Variants in PPARGC1A observed in about 807,000 individuals in gnomAD.
The protein encoded by PPARGC1A is PPARG coactivator 1 alpha, also known as peroxisome proliferator-activated receptor gamma coactivator 1-alpha.
PPARGC1A carries 25 observed loss-of-function variants against 88.7 expected under a neutral mutation model. The ratio of observed to expected loss-of-function variants is 0.28; its 90% confidence interval spans 0.21 to 0.39. The LOEUF is 0.39. Ranked by LOEUF, PPARGC1A falls within the 10% of genes least tolerant of loss-of-function variation. PPARGC1A has a pLI of 1.00. For synonymous variants in PPARGC1A, 363 were observed against 355.6 expected (o/e 1.02, Z -0.24); for missense variants, 880 against 968.7 (o/e 0.91, Z 1.22).
chr4:24,391,181 A>G, the PPARGC1A span, among the ~76,000 whole-genome samples: 1 of 152,274 alleles, frequency 6.6e-6, no homozygotes, highest in South Asian at 2.1e-4. Flanking sequence ...ATCATTTTGT[A>G]GTTTTATATA....
At chr4:23,925,723 T>C in the PPARGC1A span, among the ~76,000 whole-genome samples, 2 of 152,188 alleles carry the variant, frequency 1.3e-5, no homozygotes, top group East Asian at 1.9e-4. Context: ...TGAGGAGGTA[T>C]AGCAGAATCA....
At chr4:23,940,750 CA>C in the PPARGC1A span, among the ~76,000 whole-genome samples, 1 of 152,024 alleles carries the variant, frequency 6.6e-6, no homozygotes, top group African/African-American at 2.4e-5. Context: ...GGCTTTCTGA[CA>C]AACTAGATCC....
At position 23,827,350 on chromosome 4, in the gene PPARGC1A, C is replaced by T. The variant is rs1413605745; in HGVS notation, c.757+1050G>A. ...ATCAGCAGCAATAACAGCATACCTA[C>T]ACGAATTAATCATGGTTCAAAGCAG... On this transcript the variant is annotated intron_variant, in intron 5 of 12. Transcript: ENST00000264867. Among the ~76,000 whole-genome samples the T allele has an allele frequency of 3.3e-5, 5 of 151,892 alleles. No homozygotes were observed. The South Asian group carries it at 8.3e-4, about 25-fold the overall frequency.
At chr4:24,401,963 G>A in the PPARGC1A span, among the ~76,000 whole-genome samples, 1 of 152,172 alleles carries the variant, frequency 6.6e-6, no homozygotes, top group Non-Finnish European at 1.5e-5. Context: ...TCAAATCCAG[G>A]CAGTCTGGCT....
At chr4:24,061,838 C>A in the PPARGC1A span, among the ~76,000 whole-genome samples, 2 of 152,186 alleles carry the variant, frequency 1.3e-5, no homozygotes, top group East Asian at 3.8e-4. Flanking sequence ...TAAAGGAGTC[C>A]TCAACCACCT....
At chr4:24,152,265 T>C in the PPARGC1A span, among the ~76,000 whole-genome samples, 1 of 152,208 alleles carries the variant, frequency 6.6e-6, no homozygotes, top group Non-Finnish European at 1.5e-5. Flanking sequence ...GGAGGAGCTT[T>C]CAGGGCAAGC....
chr4:23,843,656 A>G (rs955254447), intron 2 of PPARGC1A, among the ~76,000 whole-genome samples: 2 of 152,100 alleles, frequency 1.3e-5, no homozygotes, highest in South Asian at 2.1e-4. Context: ...AAGCCTACAC[A>G]ATGTAGAAAT....
the PPARGC1A span, among the ~76,000 whole-genome samples, chr4:23,975,653 A>T: frequency 6.6e-6 from 1 of 152,004 alleles, no homozygotes; most frequent in African/African-American, 2.4e-5. Context: ...CCTGGCCTCA[A>T]GTGATCCACC....
the PPARGC1A span, among the ~76,000 whole-genome samples, chr4:24,336,211 G>A: frequency 1.3e-5 from 2 of 152,136 alleles, no homozygotes; most frequent in African/African-American, 4.8e-5. Flanking sequence ...GAGCAGTAGA[G>A]TTTTCACCTC....
chr4:24,472,660 GGCTGCCGCCGCCGCCGCCGCCGCCGCC>G, the PPARGC1A span, among the ~76,000 whole-genome samples: 1 of 151,818 alleles, frequency 6.6e-6, no homozygotes, highest in African/African-American at 2.4e-5. This position sits in a 1 kb window ranked among gnomAD's most constrained non-coding sequence, Gnocchi z 4.5. Context: ...GGGATGCTCG[GGCTGCCGCCGCCGCCGCCGCCGCCGCC>G]GCTGCCGCCT....
the PPARGC1A span, among the ~76,000 whole-genome samples, chr4:24,405,159 T>A: frequency 3.3e-4 from 50 of 152,164 alleles, no homozygotes; most frequent in East Asian, 9.4e-3. Flanking sequence ...TCAATCAAAA[T>A]AAAATAGAAA....
chr4:24,012,434 TA>T, the PPARGC1A span, among the ~76,000 whole-genome samples: 7 of 152,130 alleles, frequency 4.6e-5, no homozygotes, highest in African/African-American at 7.2e-5. Context: ...AGACAGCATC[TA>T]GCCTGAACTT....
the PPARGC1A span, among the ~76,000 whole-genome samples, chr4:24,232,878 A>T: frequency 8.5e-5 from 13 of 152,338 alleles, no homozygotes; most frequent in East Asian, 2.3e-3. Context: ...AGCTTCTAAC[A>T]TATCTGCATG....
At chr4:24,102,742 G>A in the PPARGC1A span, among the ~76,000 whole-genome samples, 1 of 152,126 alleles carries the variant, frequency 6.6e-6, no homozygotes, top group African/African-American at 2.4e-5. Flanking sequence ...GGCAGGGATT[G>A]TGGGCTGCTT....
the PPARGC1A span, among the ~76,000 whole-genome samples, chr4:24,339,210 G>A: frequency 1.3e-4 from 14 of 110,624 alleles, no homozygotes; most frequent in African/African-American, 5.3e-4. Context: ...GTGTGTGTGT[G>A]TGTATATATA....
the PPARGC1A span, among the ~76,000 whole-genome samples, chr4:24,099,280 C>T: frequency 6.9e-6 from 1 of 143,886 alleles, no homozygotes; most frequent in Non-Finnish European, 1.5e-5. Flanking sequence ...TCATTCTCTC[C>T]CTCCTGCAAA....
the PPARGC1A span, among the ~76,000 whole-genome samples, chr4:24,364,669 CTTCTATTATGTGA>C: frequency 6.6e-6 from 1 of 152,132 alleles, no homozygotes; most frequent in Non-Finnish European, 1.5e-5. Flanking sequence ...AATAATTCCA[CTTCTATTATGTGA>C]TTATTCATTT....
the PPARGC1A span, among the ~76,000 whole-genome samples, chr4:23,981,947 G>A: frequency 1.3e-5 from 2 of 152,066 alleles, no homozygotes; most frequent in African/African-American, 4.8e-5. Flanking sequence ...AAAAGGTTGG[G>A]TCCTGAGGCC....
At chr4:24,253,819 A>G in the PPARGC1A span, among the ~76,000 whole-genome samples, 1 of 152,216 alleles carries the variant, frequency 6.6e-6, no homozygotes, top group Non-Finnish European at 1.5e-5. Flanking sequence ...ACTCCTAAAA[A>G]GAAGAAGGTT....
Sources: gnomAD v4.1 joint callset for allele counts (sites outside exome capture counted in the v4.1 genomes callset) on GRCh38, gnomAD v4.1.1 for gene constraint, Gnocchi (gnomAD v3.1) non-coding constraint, MANE v1.5 for transcripts, NCBI Gene and HGNC (gene_info 2026-07-23, HGNC 2026-07-21) for gene names.